Variants in FRMD4A observed in about 807,000 individuals in gnomAD.
The protein encoded by FRMD4A is FERM domain containing 4A, also known as FERM domain-containing protein 4A.
Under a neutral mutation model 129.1 loss-of-function variants are expected in FRMD4A, and 29 were observed. That is an observed-to-expected ratio of 0.22 (90% CI 0.17 to 0.31). The LOEUF is 0.31. Among genes scored for constraint, FRMD4A ranks in the 10% least tolerant of loss-of-function variants. The pLI is 1.00. For missense variants in FRMD4A, 1,272 were observed against 1,375.8 expected (o/e 0.92, Z 1.19); for synonymous variants, 634 against 571.6 (o/e 1.11, Z -1.56).
At chr10:13,805,229 C>G (rs10796132) in intron 4 of FRMD4A, among the ~76,000 whole-genome samples, 53,955 of 151,548 alleles carry the variant, frequency 0.36, 10,394 homozygotes, top group Non-Finnish European at 0.44. Flanking sequence ...CTGCAGCCTT[C>G]AATACTTGGG....
intron 11 of FRMD4A, among the ~76,000 whole-genome samples, chr10:13,738,783 G>C (rs1476304517): frequency 6.6e-6 from 1 of 152,078 alleles, no homozygotes; most frequent in Non-Finnish European, 1.5e-5. Context: ...ACCACGTCTG[G>C]CTAATTTTTG....
chr10:13,659,866 C>G (rs1564539589), intron 20 of FRMD4A, among the ~76,000 whole-genome samples: 1 of 58,934 alleles, frequency 1.7e-5, no homozygotes. Flanking sequence ...GCCTTCCCCC[C>G]CAAAAAAAAC....
In FRMD4A at chr10:13,793,939, A is replaced by T. The variant is rs74121688; in HGVS notation, c.299+2557T>A. Among the ~76,000 whole-genome samples, 829 of 152,234 alleles carry T rather than the reference A, an allele frequency of 5.4e-3. 9 individuals carry two copies. The highest frequency in any genetic ancestry group is 0.018 in the African/African-American group (767 of 41,538). ...TGTTTTGTTACTGCACTTCTTGGCC[A>T]GCTAAGAAGTGGGAACTCAGGGTAG... On this transcript the variant is annotated intron_variant, in intron 5 of 24. Transcript: ENST00000357447.
intron 2 of FRMD4A, among the ~76,000 whole-genome samples, chr10:14,135,527 T>G (rs142601473): frequency 1.1e-3 from 175 of 152,332 alleles, no homozygotes; most frequent in Middle Eastern, 6.8e-3. Context: ...GCTGCCTGAT[T>G]CACAAATTAT....
chr10:14,308,548 T>C (rs1472058361), intron 2 of FRMD4A, among the ~76,000 whole-genome samples: 2 of 152,218 alleles, frequency 1.3e-5, no homozygotes, highest in Non-Finnish European at 2.9e-5. Context: ...TTTAGTGAAC[T>C]CTTTTTTGAA....
chr10:13,988,107 C>A (rs1226871189), intron 2 of FRMD4A, among the ~76,000 whole-genome samples: 1 of 152,140 alleles, frequency 6.6e-6, no homozygotes, highest in Non-Finnish European at 1.5e-5. Context: ...AATAGTTACA[C>A]AAAACAGAGG....
chr10:14,319,349 C>CCTCTCTCTCT (rs10645584), intron 2 of FRMD4A, among the ~76,000 whole-genome samples: 4 of 137,300 alleles, frequency 2.9e-5, no homozygotes, highest in Non-Finnish European at 3.1e-5. Flanking sequence ...ATCTCTCTCT[C>CCTCTCTCTCT]CTCTCTCTCT....
intron 2 of FRMD4A, among the ~76,000 whole-genome samples, chr10:13,983,403 G>A (rs1380479782): frequency 1.3e-5 from 2 of 151,878 alleles, no homozygotes; most frequent in Non-Finnish European, 2.9e-5. Context: ...GAAAAAAAAC[G>A]TAATTACATC....
chr10:13,766,890 T>C (rs192600170), intron 6 of FRMD4A, among the ~76,000 whole-genome samples: 3 of 152,220 alleles, frequency 2.0e-5, no homozygotes, highest in Admixed American at 2.0e-4. Flanking sequence ...CTGGACAACA[T>C]GGTGAAACCC....
At chr10:13,824,175 T>C (rs1425252610) in intron 3 of FRMD4A, among the ~76,000 whole-genome samples, 3 of 151,682 alleles carry the variant, frequency 2.0e-5, no homozygotes, top group Non-Finnish European at 2.9e-5. Flanking sequence ...GGATCAAAAA[T>C]ACTTAAAAAC....
At chr10:14,283,568 G>A (rs1845589564) in intron 2 of FRMD4A, among the ~76,000 whole-genome samples, 1 of 152,144 alleles carries the variant, frequency 6.6e-6, no homozygotes. Context: ...CTGTGGATTG[G>A]CTCTGTTTAT....
At position 13,657,233 on chromosome 10, in the gene FRMD4A, G is replaced by A; in HGVS notation, c.2356C>T (p.Arg786Trp). Residue 786 changes from arginine (R) to tryptophan (W), a missense_variant, in exon 22 of 25, where the codon CGG becomes TGG. Coordinates refer to ENST00000357447, the MANE Select transcript of FRMD4A (RefSeq NM_018027.5). The part of the protein sequence containing the change: ...PSKARQRQRQ[R>W]QRAAGALGSA... ...CCCAGTGCGCCCGCCGCCCGCTGCC[G>A]CTGCCTCTGCCTCTGGCGCGCCTTG... 6.3e-7 allele frequency: 1 copy of A among 1,578,150 alleles called. No homozygotes were observed. Among genetic ancestry groups the A allele is most frequent in the Non-Finnish European group, 8.6e-7 (1 of 1,167,550 alleles).
intron 6 of FRMD4A, among the ~76,000 whole-genome samples, chr10:13,779,763 A>C (rs1196578488): frequency 6.8e-6 from 1 of 147,432 alleles, no homozygotes; most frequent in Non-Finnish European, 1.5e-5. Flanking sequence ...AATTACCATC[A>C]ATAAACTTAT....
At chr10:13,672,493 T>G (rs2083594208) in intron 16 of FRMD4A, among the ~76,000 whole-genome samples, 1 of 152,168 alleles carries the variant, frequency 6.6e-6, no homozygotes, top group Admixed American at 6.5e-5. Context: ...GCCATGGATC[T>G]GTAACTCTAA....
chr10:14,074,888 C>T (rs1835493291), intron 2 of FRMD4A: 1 of 152,128 alleles, frequency 6.6e-6, no homozygotes, highest in Non-Finnish European at 1.5e-5. Flanking sequence ...ACCTTGACTT[C>T]CAGGAATTTA....
At chr10:13,748,442 A>G (rs2130637673) in intron 8 of FRMD4A, among the ~76,000 whole-genome samples, 1 of 152,320 alleles carries the variant, frequency 6.6e-6, no homozygotes, top group African/African-American at 2.4e-5. Context: ...TTGCATTTAT[A>G]TACTTACTGG....
intron 15 of FRMD4A, among the ~76,000 whole-genome samples, chr10:13,691,679 G>A (rs199848571): frequency 6.6e-6 from 1 of 152,154 alleles, no homozygotes; most frequent in East Asian, 1.9e-4. Context: ...TTCGATGCAC[G>A]CCGAAGTTTG....
intron 2 of FRMD4A, among the ~76,000 whole-genome samples, chr10:14,124,071 G>A (rs1287018348): frequency 6.6e-6 from 1 of 152,148 alleles, no homozygotes; most frequent in Non-Finnish European, 1.5e-5. Flanking sequence ...CTGGCAACCT[G>A]TGCAATGCTG....
intron 3 of FRMD4A, among the ~76,000 whole-genome samples, chr10:13,820,606 C>T (rs1343166159): frequency 2.0e-5 from 3 of 152,098 alleles, no homozygotes; most frequent in African/African-American, 7.2e-5. Context: ...CCCATCTGTG[C>T]TTTGGGAGGA....
Sources: gnomAD v4.1 joint callset for allele counts (sites outside exome capture counted in the v4.1 genomes callset) on GRCh38, gnomAD v4.1.1 for gene constraint, MANE v1.5 for transcripts, NCBI Gene and HGNC (gene_info 2026-07-23, HGNC 2026-07-21) for gene names.